Variants in LRRC28 observed in about 807,000 individuals in gnomAD.
LRRC28 encodes the protein leucine-rich repeat-containing protein 28.
LRRC28 carries 39 observed loss-of-function variants against 45.7 expected under a neutral mutation model. That is an observed-to-expected ratio of 0.85 (90% confidence interval 0.66 to 1.12). The LOEUF (loss-of-function observed/expected upper bound fraction) is 1.12. Ranked by LOEUF, LRRC28 falls within the 50% of genes most tolerant of loss-of-function variation. The pLI is 0.00. For missense variants in LRRC28, 435 were observed against 438.5 expected (o/e 0.99, Z 0.07); for synonymous variants, 206 against 178.8 (o/e 1.15, Z -1.22).
At chr15:99,319,661 T>TTG (rs1315188809) in intron 5 of LRRC28, among the ~76,000 whole-genome samples, 1 of 150,358 alleles carries the variant, frequency 6.7e-6, no homozygotes, top group Non-Finnish European at 1.5e-5. Context: ...ACAGTGTGGT[T>TTG]TTTTTTTTTA....
At chr15:99,287,553 A>T (rs1228838682) in intron 4 of LRRC28, among the ~76,000 whole-genome samples, 1 of 152,134 alleles carries the variant, frequency 6.6e-6, no homozygotes, top group Non-Finnish European at 1.5e-5. Context: ...CTGGTCAGAT[A>T]AAAAAAGCCC....
At chr15:99,290,849 C>T (rs889554154) in intron 5 of LRRC28, among the ~76,000 whole-genome samples, 17 of 152,122 alleles carry the variant, frequency 1.1e-4, no homozygotes, top group African/African-American at 3.6e-4. Context: ...ACACCTTAGT[C>T]CTAGCTGCTT....
At chr15:99,293,705 C>G (rs1216666718) in intron 5 of LRRC28, among the ~76,000 whole-genome samples, 2 of 143,144 alleles carry the variant, frequency 1.4e-5, no homozygotes, top group African/African-American at 5.1e-5. Context: ...GAGACACAGT[C>G]TTGCTGTGTT....
At chr15:99,254,054 G>C (rs552067769) in intron 1 of LRRC28, among the ~76,000 whole-genome samples, 1 of 152,344 alleles carries the variant, frequency 6.6e-6, no homozygotes, top group Admixed American at 6.5e-5. Context: ...TGAGATGGTT[G>C]TGAGACATCT....
At chr15:99,273,430 G>C (rs555127529) in intron 2 of LRRC28, among the ~76,000 whole-genome samples, 1 of 151,266 alleles carries the variant, frequency 6.6e-6, no homozygotes, top group African/African-American at 2.5e-5. Flanking sequence ...GTAGAGACAG[G>C]GTTTCACCGT....
Position 99,335,990 on chromosome 15 carries a change from C to T in LRRC28, c.592+1861C>T, listed in dbSNP as rs75646336. Among the ~76,000 whole-genome samples, 976 of 152,206 alleles carry T rather than the reference C, an allele frequency of 6.4e-3. 9 individuals carry two copies. Among genetic ancestry groups the T allele is most frequent in the Middle Eastern group, 0.01 (3 of 294 alleles). On this transcript the variant is annotated intron_variant, in intron 6 of 9. Transcript: ENST00000301981. ...AACTTACTGTGGCTTGACTTTCAGA[C>T]GTTACCAGAAACAGATTAGGTTGTT...
At chr15:99,309,565 C>T (rs574633531) in intron 5 of LRRC28, among the ~76,000 whole-genome samples, 5 of 152,098 alleles carry the variant, frequency 3.3e-5, no homozygotes, top group African/African-American at 7.2e-5. Context: ...CGCGCCACCA[C>T]GCCTGGCTAA....
intron 6 of LRRC28, among the ~76,000 whole-genome samples, chr15:99,348,644 T>C (rs553716983): frequency 6.6e-6 from 1 of 152,276 alleles, no homozygotes; most frequent in African/African-American, 2.4e-5. Flanking sequence ...ATAGTGTTTT[T>C]GTTACCATAG....
intron 5 of LRRC28, among the ~76,000 whole-genome samples, chr15:99,288,827 G>A (rs1469143159): frequency 1.3e-5 from 2 of 152,030 alleles, no homozygotes; most frequent in African/African-American, 2.4e-5. Context: ...CTACAGGCAC[G>A]TGAAGCCATG....
intron 9 of LRRC28, 135 bp downstream of exon 9, chr15:99,363,400 A>C: frequency 1.2e-6 from 1 of 863,004 alleles, no homozygotes; most frequent in Non-Finnish European, 1.7e-6. Context: ...AAACAGCTAA[A>C]TGAAACGATG....
At chr15:99,287,140 G>C in intron 3 of LRRC28, 117 bp from the exon 4 acceptor site, 1 of 735,876 alleles carries the variant, frequency 1.4e-6, no homozygotes, top group Non-Finnish European at 2.2e-6. Context: ...TTAGAGTAGG[G>C]TGCAAAAGTT....
chr15:99,373,021 A>ACC (rs113974821), intron 9 of LRRC28, among the ~76,000 whole-genome samples: 8 of 151,494 alleles, frequency 5.3e-5, no homozygotes, highest in South Asian at 2.1e-4. Flanking sequence ...GGGGGTAACC[A>ACC]CCCCCCCATG....
At chr15:99,327,751 C>T (rs1956031650) in intron 5 of LRRC28, among the ~76,000 whole-genome samples, 1 of 151,310 alleles carries the variant, frequency 6.6e-6, no homozygotes, top group African/African-American at 2.4e-5. Flanking sequence ...TTATTATTTT[C>T]TGCTTATTTT....
chr15:99,348,177 C>G (rs1294457300), intron 6 of LRRC28, among the ~76,000 whole-genome samples: 1 of 152,106 alleles, frequency 6.6e-6, no homozygotes, highest in Non-Finnish European at 1.5e-5. Context: ...ATATTAACCT[C>G]TTATCAGTTA....
intron 1 of LRRC28, among the ~76,000 whole-genome samples, chr15:99,255,154 T>G (rs148420242): frequency 0.016 from 2,445 of 151,862 alleles, 66 homozygotes; most frequent in African/African-American, 0.056. Context: ...CTCAGGAATT[T>G]GAGACTAGCC....
chr15:99,380,049 A>G (rs1449752956), intron 9 of LRRC28, among the ~76,000 whole-genome samples: 4 of 152,212 alleles, frequency 2.6e-5, no homozygotes, highest in Non-Finnish European at 4.4e-5. Flanking sequence ...GATGTCTATT[A>G]GATCCACTTG....
At chr15:99,375,919 G>T (rs1393436237) in intron 9 of LRRC28, among the ~76,000 whole-genome samples, 1 of 151,698 alleles carries the variant, frequency 6.6e-6, no homozygotes, top group Non-Finnish European at 1.5e-5. Flanking sequence ...TGATTTCATT[G>T]GTTTCTCCTC....
chr15:99,348,086 T>G (rs770719730), intron 6 of LRRC28, among the ~76,000 whole-genome samples: 2 of 152,186 alleles, frequency 1.3e-5, no homozygotes, highest in Non-Finnish European at 2.9e-5. Flanking sequence ...TTTGGAAAAA[T>G]GTCTGTTTAG....
intron 4 of LRRC28, 28 bp downstream of exon 4, chr15:99,287,322 G>A: frequency 6.8e-7 from 1 of 1,469,318 alleles, no homozygotes; most frequent in Non-Finnish European, 9.2e-7. Flanking sequence ...ATTTTAGTTA[G>A]AAGATAATAT....
Sources: gnomAD v4.1 joint callset for allele counts (sites outside exome capture counted in the v4.1 genomes callset) on GRCh38, gnomAD v4.1.1 for gene constraint, MANE v1.5 for transcripts, NCBI Gene and HGNC (gene_info 2026-07-23, HGNC 2026-07-21) for gene names.